Variants in CLVS1 observed in about 807,000 individuals in gnomAD.
CLVS1 encodes clavesin-1.
A neutral mutation model predicts 33.1 loss-of-function variants in CLVS1; 10 were observed. The ratio of observed to expected loss-of-function variants is 0.30; its 90% CI spans 0.19 to 0.51. The LOEUF (loss-of-function observed/expected upper bound fraction) is 0.51, where lower values mean the gene tolerates loss of function less well. CLVS1 is among the 20% of genes least tolerant of loss of function. The pLI is 0.97. For synonymous variants in CLVS1, 163 were observed against 166.1 expected (o/e 0.98, Z 0.14); for missense variants, 343 against 433.4 (o/e 0.79, Z 1.85).
intron 5 of CLVS1, among the ~76,000 whole-genome samples, chr8:61,475,984 G>C (rs987477825): frequency 3.3e-5 from 5 of 151,874 alleles, no homozygotes; most frequent in African/African-American, 1.2e-4. Context: ...TAAGGTGTAA[G>C]GAAGGGATCC....
intron 1 of CLVS1, among the ~76,000 whole-genome samples, chr8:61,113,937 G>T (rs1805673125): frequency 6.6e-6 from 1 of 152,196 alleles, no homozygotes; most frequent in Non-Finnish European, 1.5e-5. Flanking sequence ...CTGGCCCTGG[G>T]TATATTCTTT....
intron 2 of CLVS1, among the ~76,000 whole-genome samples, chr8:61,171,253 T>C (rs971510470): frequency 6.6e-6 from 1 of 152,198 alleles, no homozygotes; most frequent in Non-Finnish European, 1.5e-5. Context: ...GTCATTGAAA[T>C]AGATAGTGAA....
upstream of CLVS1, among the ~76,000 whole-genome samples, chr8:61,052,666 G>C (rs909920605): frequency 1.3e-5 from 2 of 152,158 alleles, no homozygotes; most frequent in East Asian, 3.9e-4. Flanking sequence ...GCTGAGGGAG[G>C]GGCAGGCTAG....
chr8:61,261,987 T>A (rs1809211939), intron 2 of CLVS1, among the ~76,000 whole-genome samples: 1 of 89,080 alleles, frequency 1.1e-5, no homozygotes, highest in African/African-American at 6.0e-5. Flanking sequence ...TGTGTGTGTG[T>A]GTGTGTGTGT....
At chr8:61,271,259 C>T (rs1314102135) in intron 2 of CLVS1, among the ~76,000 whole-genome samples, 1 of 150,890 alleles carries the variant, frequency 6.6e-6, no homozygotes, top group East Asian at 1.9e-4. Context: ...TTTCTGCCTT[C>T]ATTTCGTTAT....
chr8:61,470,811 A>G (rs1035532384), intron 5 of CLVS1, among the ~76,000 whole-genome samples: 1 of 152,238 alleles, frequency 6.6e-6, no homozygotes, highest in Admixed American at 6.5e-5. Flanking sequence ...TGTTGTAGAT[A>G]TCAGCTGAGC....
At chr8:61,050,554 C>T in the CLVS1 span, among the ~76,000 whole-genome samples, 27,952 of 152,200 alleles carry the variant, frequency 0.18, 3,335 homozygotes, top group African/African-American at 0.33. Context: ...TCTGGTCCCT[C>T]GGCCACCAGC....
chr8:61,398,746 T>G (rs1003266878), intron 3 of CLVS1, among the ~76,000 whole-genome samples: 1 of 152,180 alleles, frequency 6.6e-6, no homozygotes, highest in African/African-American at 2.4e-5. Flanking sequence ...TGTTCCCCAC[T>G]TGTATTCACA....
intron 1 of CLVS1, among the ~76,000 whole-genome samples, chr8:61,067,902 AC>A (rs1252205039): frequency 1.3e-5 from 2 of 152,042 alleles, no homozygotes; most frequent in African/African-American, 2.4e-5. Context: ...GATGGGATCA[AC>A]CATACCCCAA....
At chr8:61,069,085 G>A (rs1804739689) in intron 1 of CLVS1, among the ~76,000 whole-genome samples, 2 of 152,232 alleles carry the variant, frequency 1.3e-5, no homozygotes, top group African/African-American at 4.8e-5. Flanking sequence ...TCCTGCCTCA[G>A]CCTCCCAAGT....
In CLVS1 at chr8:61,139,836, C is replaced by G. The variant is rs139016211; in HGVS notation, c.-152+7976C>G. On this transcript the variant is annotated intron_variant, in intron 2 of 2. Coordinates refer to the CLVS1 transcript ENST00000522621. Reference sequence around the variant, plus strand: ...GGCCCCGCCATTCTCCTTCCCGGCTCCCTCTTGTGCCGTCGCAGATTCCTG... The same window carrying G: ...GGCCCCGCCATTCTCCTTCCCGGCTGCCTCTTGTGCCGTCGCAGATTCCTG... Among the ~76,000 whole-genome samples, 1,173 of 152,248 alleles carry G rather than the reference C, an allele frequency of 7.7e-3. 18 individuals carry two copies. The highest frequency in any genetic ancestry group is 0.026 in the African/African-American group (1,100 of 41,538).
intron 2 of CLVS1, among the ~76,000 whole-genome samples, chr8:61,151,171 C>G: frequency 6.6e-6 from 1 of 152,068 alleles, no homozygotes. Context: ...GAGGTGAGAG[C>G]CAAGCTTCTG....
intron 2 of CLVS1, 136 bp downstream of exon 2, chr8:61,300,418 C>A (rs1810384999): frequency 1.3e-6 from 1 of 771,070 alleles, no homozygotes; most frequent in Non-Finnish European, 2.0e-6. Flanking sequence ...AAGTTTTAGG[C>A]CACAGGTGTG....
At chr8:61,357,048 A>G (rs1812741032) in intron 2 of CLVS1, among the ~76,000 whole-genome samples, 1 of 152,220 alleles carries the variant, frequency 6.6e-6, no homozygotes. Flanking sequence ...ACCTATGAGC[A>G]TGGAATGTTC....
chr8:61,448,600 G>T (rs1406426976), intron 3 of CLVS1, among the ~76,000 whole-genome samples: 3 of 151,320 alleles, frequency 2.0e-5, no homozygotes. Flanking sequence ...GATGAGCCAG[G>T]CACAGTGGCT....
intron 2 of CLVS1, among the ~76,000 whole-genome samples, chr8:61,132,282 G>C (rs1013113591): frequency 3.9e-5 from 6 of 152,264 alleles, no homozygotes; most frequent in Non-Finnish European, 5.9e-5. Context: ...GGGATCAGCT[G>C]CTGGTGGTGA....
At chr8:61,461,014 G>T (rs1441883854) in intron 5 of CLVS1, among the ~76,000 whole-genome samples, 1 of 152,212 alleles carries the variant, frequency 6.6e-6, no homozygotes, top group African/African-American at 2.4e-5. Flanking sequence ...TGGAAAGTTT[G>T]CTCAACTTTA....
At chr8:61,424,155 G>A (rs1188128901) in intron 3 of CLVS1, among the ~76,000 whole-genome samples, 1 of 152,100 alleles carries the variant, frequency 6.6e-6, no homozygotes, top group African/African-American at 2.4e-5. Flanking sequence ...TCCCAAAGTT[G>A]TCCACTATAA....
At chr8:61,186,163 A>G (rs1807340587) in intron 2 of CLVS1, among the ~76,000 whole-genome samples, 1 of 152,196 alleles carries the variant, frequency 6.6e-6, no homozygotes, top group African/African-American at 2.4e-5. Context: ...CACAGAGAGT[A>G]CGCAGATAGG....
Sources: allele counts gnomAD v4.1 joint callset (sites outside exome capture counted in the v4.1 genomes callset), GRCh38; gene constraint gnomAD v4.1.1; transcripts MANE v1.5; gene names NCBI Gene and HGNC (gene_info 2026-07-23, HGNC 2026-07-21).